Variants in TMEM117 observed in about 807,000 individuals in gnomAD.
TMEM117 encodes transmembrane protein 117.
A neutral mutation model predicts 52.4 loss-of-function variants in TMEM117; 27 were observed. The ratio of observed to expected loss-of-function variants is 0.51; its 90% CI spans 0.38 to 0.71. The LOEUF is 0.71. Ranked by LOEUF, TMEM117 falls within the 30% of genes least tolerant of loss-of-function variation. TMEM117 has a pLI of 0.00. For missense variants in TMEM117, 556 were observed against 630.5 expected (o/e 0.88, Z 1.26); for synonymous variants, 215 against 206.3 (o/e 1.04, Z -0.36).
chr12:44,168,115 G>A (rs1172383433), intron 4 of TMEM117, among the ~76,000 whole-genome samples: 1 of 151,896 alleles, frequency 6.6e-6, no homozygotes, highest in Non-Finnish European at 1.5e-5. Context: ...TTAGCTGGGT[G>A]TGGTGGTGCG....
intron 5 of TMEM117, among the ~76,000 whole-genome samples, chr12:44,213,934 CT>C (rs1174912423): frequency 1.3e-5 from 2 of 152,108 alleles, no homozygotes; most frequent in African/African-American, 4.8e-5. Flanking sequence ...TGATTGATGA[CT>C]GTTCTCTGCT....
intron 6 of TMEM117, 23 bp downstream of exon 6, chr12:44,299,762 A>G: frequency 6.2e-7 from 1 of 1,613,134 alleles, no homozygotes; most frequent in Non-Finnish European, 8.5e-7. Flanking sequence ...CCCTCCCCTC[A>G]GTGAAGCTGC....
chr12:43,920,967 G>A (rs573650259), intron 2 of TMEM117, among the ~76,000 whole-genome samples: 1 of 152,124 alleles, frequency 6.6e-6, no homozygotes, highest in East Asian at 1.9e-4. Context: ...GATCTGCATT[G>A]TGCTTTCCAC....
At chr12:44,129,109 G>T (rs1948373607) in intron 3 of TMEM117, among the ~76,000 whole-genome samples, 2 of 152,154 alleles carry the variant, frequency 1.3e-5, no homozygotes, top group South Asian at 2.1e-4. Context: ...ACAGACTTCT[G>T]TCTACTCAGC....
chr12:44,180,074 T>C (rs1949170468), intron 4 of TMEM117, among the ~76,000 whole-genome samples: 1 of 151,770 alleles, frequency 6.6e-6, no homozygotes, highest in Non-Finnish European at 1.5e-5. Context: ...CACATTCCAA[T>C]GAGGAGCACT....
chr12:44,185,478 A>G (rs2138327837), intron 4 of TMEM117, among the ~76,000 whole-genome samples: 1 of 152,350 alleles, frequency 6.6e-6, no homozygotes, highest in Non-Finnish European at 1.5e-5. Context: ...TAAAAAGCAG[A>G]ACAGAAAAGT....
At chr12:43,798,450 A>C in the TMEM117 span, 1 of 953,280 alleles carries the variant, frequency 1.0e-6, no homozygotes, top group Non-Finnish European at 1.5e-6. Context: ...TCTCATTCGC[A>C]GTGTTGCAAC....
At chr12:44,371,392 A>G (rs1364410883) in intron 6 of TMEM117, among the ~76,000 whole-genome samples, 8 of 152,220 alleles carry the variant, frequency 5.3e-5, no homozygotes, top group African/African-American at 1.7e-4. Flanking sequence ...AAATTATTAC[A>G]TTGAAAAACT....
At chr12:43,902,970 T>C (rs980058829) in intron 2 of TMEM117, among the ~76,000 whole-genome samples, 1 of 152,176 alleles carries the variant, frequency 6.6e-6, no homozygotes, top group African/African-American at 2.4e-5. Context: ...AAGACCTTTA[T>C]TTTCTGGTTG....
At chr12:44,127,855 G>A (rs1183881243) in intron 3 of TMEM117, among the ~76,000 whole-genome samples, 1 of 152,154 alleles carries the variant, frequency 6.6e-6, no homozygotes, top group Non-Finnish European at 1.5e-5. Flanking sequence ...CAGATCCACA[G>A]TTGCATAAGC....
intron 3 of TMEM117, among the ~76,000 whole-genome samples, chr12:44,097,467 A>G (rs563742728): frequency 6.6e-6 from 1 of 152,204 alleles, no homozygotes; most frequent in South Asian, 2.1e-4. Flanking sequence ...AACCAACCCA[A>G]ATGTCCAACA....
At chr12:44,217,013 T>A (rs886826079) in intron 5 of TMEM117, among the ~76,000 whole-genome samples, 3 of 152,132 alleles carry the variant, frequency 2.0e-5, no homozygotes, top group Non-Finnish European at 2.9e-5. Flanking sequence ...TTATTAAAGT[T>A]TAACAAAAGG....
intron 5 of TMEM117, among the ~76,000 whole-genome samples, chr12:44,286,835 T>C (rs1950644972): frequency 6.6e-6 from 1 of 152,196 alleles, no homozygotes; most frequent in Non-Finnish European, 1.5e-5. Flanking sequence ...ATTATATTTT[T>C]GAGAATTTGT....
intron 3 of TMEM117, among the ~76,000 whole-genome samples, chr12:44,079,441 A>G (rs1318096262): frequency 6.6e-6 from 1 of 151,940 alleles, no homozygotes; most frequent in Non-Finnish European, 1.5e-5. Context: ...TGTGGTTTTG[A>G]TTTTCATTTC....
At chr12:43,859,927 G>GA (rs1459099210) in intron 2 of TMEM117, among the ~76,000 whole-genome samples, 1 of 152,140 alleles carries the variant, frequency 6.6e-6, no homozygotes, top group African/African-American at 2.4e-5. Context: ...CAAATGTGTG[G>GA]TTCTGGTGGT....
At chr12:44,376,549 G>A (rs79587420) in intron 6 of TMEM117, 46 bp from the exon 7 acceptor site, 1 of 1,578,232 alleles carries the variant, frequency 6.3e-7, no homozygotes, top group East Asian at 2.3e-5. Context: ...TTGCTGCTTA[G>A]GAATGAAACG....
At chr12:44,365,951 T>C (rs1351986849) in intron 6 of TMEM117, among the ~76,000 whole-genome samples, 1 of 152,162 alleles carries the variant, frequency 6.6e-6, no homozygotes, top group African/African-American at 2.4e-5. Flanking sequence ...TTGGATGATA[T>C]GGGAGGATTC....
At chr12:44,099,171 T>C (rs527285228) in intron 3 of TMEM117, among the ~76,000 whole-genome samples, 1 of 152,234 alleles carries the variant, frequency 6.6e-6, no homozygotes, top group East Asian at 1.9e-4. Flanking sequence ...AGATCTTAAG[T>C]ATCAACAGCT....
chr12:43,936,038 A>G (rs927072826), intron 2 of TMEM117, among the ~76,000 whole-genome samples: 1 of 151,724 alleles, frequency 6.6e-6, no homozygotes, highest in Non-Finnish European at 1.5e-5. Context: ...CATGTTAGGG[A>G]GCTTGGATTT....
Sources: allele counts gnomAD v4.1 joint callset (sites outside exome capture counted in the v4.1 genomes callset), GRCh38; gene constraint gnomAD v4.1.1; transcripts MANE v1.5; gene names NCBI Gene and HGNC (gene_info 2026-07-23, HGNC 2026-07-21).